Variants in C11orf68 observed in about 807,000 individuals in gnomAD.
C11orf68 encodes the protein chromosome 11 open reading frame 68.
A neutral mutation model predicts 4.7 loss-of-function variants in C11orf68; 3 were observed. The ratio of observed to expected loss-of-function variants is 0.64; its 90% CI spans 0.29 to 1.66. C11orf68 has a LOEUF of 1.66. Among genes scored for constraint, C11orf68 ranks in the 40% most tolerant of loss-of-function variants. The pLI is 0.10. For synonymous variants in C11orf68, 186 were observed against 167.8 expected, an observed-to-expected ratio of 1.11 and a Z score of -0.84; for missense variants, 422 against 408.0, an observed-to-expected ratio of 1.03 and a Z score of -0.30.
chr11:65,917,065 C>CT lies in C11orf68; in HGVS notation c.*393dup. On this transcript the variant is annotated 3_prime_UTR_variant, in exon 2 of 2. Coordinates refer to ENST00000438576, the MANE Select transcript of C11orf68 (RefSeq NM_001135635.2). Reference sequence around the variant, plus strand: ...TGGACCATGAAGGCTCCAAGAAGGGCTGGAAGCACTAAGTTTTCTCTCTCC... The same window carrying CT: ...TGGACCATGAAGGCTCCAAGAAGGGCTTGGAAGCACTAAGTTTTCTCTCTCC... The CT allele has an allele frequency of 5.1e-6, 1 of 196,990 alleles. No homozygotes were observed. Among genetic ancestry groups the CT allele is most frequent in the Non-Finnish European group, 1.1e-5 (1 of 94,432 alleles). The allele number at this position is 196,990 out of a possible 1,614,324, so 12.2% of individuals were successfully genotyped here.
intron 1 of C11orf68, 46 bp from the exon 2 acceptor site, chr11:65,918,264 G>A (rs560654723): frequency 2.0e-6 from 3 of 1,473,132 alleles, no homozygotes; most frequent in East Asian, 2.4e-5. Flanking sequence ...AATAACTACA[G>A]ATGCCAGGCA....
chr11:65,916,916 G>C lies in C11orf68; in HGVS notation c.*543C>G, dbSNP rs1854464218. ...AAGGGGGGACAGTGGTACAGGCTGT[G>C]TAAGTTGGCAGGGATGGGCAAGCCT... On this transcript the variant is annotated 3_prime_UTR_variant, in exon 2 of 2. Transcript: ENST00000438576. 1.3e-5 allele frequency: 2 copies of C among 156,370 alleles called. No homozygotes were observed. Among genetic ancestry groups the C allele is most frequent in the South Asian group, 3.8e-4 (2 of 5,198 alleles). The allele number at this position is 156,370 out of a possible 1,614,324, so 9.7% of individuals were successfully genotyped here.
In C11orf68 at chr11:65,917,345, G is replaced by C; in HGVS notation, c.*114C>G. 7.6e-7 allele frequency: 1 copy of C among 1,311,686 alleles called. No homozygotes were observed. The highest frequency in any genetic ancestry group is 1.1e-6 in the Non-Finnish European group (1 of 950,972). 81.3% of individuals were successfully genotyped at this position (1,311,686 alleles called of 1,614,324 possible). On this transcript the variant is annotated 3_prime_UTR_variant, in exon 2 of 2. Coordinates refer to ENST00000438576, the MANE Select transcript of C11orf68 (RefSeq NM_001135635.2). ...CTGAAGATGCAGGTAGTTCCCAAGT[G>C]ACCTAGGAGTCCCCAGAGCTGGGGG...
Position 65,917,108 on chromosome 11 carries a change from A to T in C11orf68, c.*351T>A. The T allele has an allele frequency of 4.1e-6, 1 of 243,858 alleles. No homozygotes were observed. Among genetic ancestry groups the T allele is most frequent in the Non-Finnish European group, 8.0e-6 (1 of 124,402 alleles). The allele number at this position is 243,858 out of a possible 1,614,324, so 15.1% of individuals were successfully genotyped here. On this transcript the variant is annotated 3_prime_UTR_variant, in exon 2 of 2. Transcript: ENST00000438576. ...CTCTCTCCTGAGGGGGAAGGAAAGAAGGGGAGATGCAGGAGGAAGGGGAGG... is the reference window on the plus strand; with the variant it reads ...CTCTCTCCTGAGGGGGAAGGAAAGATGGGGAGATGCAGGAGGAAGGGGAGG...
intron 1 of C11orf68, 56 bp from the exon 2 acceptor site, chr11:65,918,274 A>C: frequency 1.4e-6 from 2 of 1,451,460 alleles, no homozygotes; most frequent in Non-Finnish European, 1.8e-6. Flanking sequence ...GATGCCAGGC[A>C]CTGGATTAAA....
At position 65,918,091 on chromosome 11, in the gene C11orf68, C is replaced by A; in HGVS notation, c.250G>T (p.Ala84Ser). ...ADMDPWLVFD[A>S]RTTPATELDA... ...AGCTCAGTGGCAGGCGTTGTGCGGG[C>A]ATCAAACACTAGCCAGGGGTCCATG... Residue 84 changes from alanine to serine, a missense_variant, in exon 2 of 2, where the codon GCC becomes TCC. Physicochemically the swap from Ala to Ser is moderately conservative, Grantham distance 99 (BLOSUM62 1). Coordinates refer to ENST00000438576, the MANE Select transcript of C11orf68 (RefSeq NM_001135635.2). 1.2e-6 allele frequency: 2 copies of A among 1,610,790 alleles called. No individual in the cohort carries two copies. Among genetic ancestry groups the A allele is most frequent in the Non-Finnish European group, 8.5e-7 (1 of 1,178,490 alleles).
intron 1 of C11orf68, 45 bp downstream of exon 1, chr11:65,918,865 C>G: frequency 8.5e-7 from 1 of 1,179,704 alleles, no homozygotes; most frequent in Non-Finnish European, 1.1e-6. Flanking sequence ...CCGAGCTGTG[C>G]TCCCGCCCCG....
In C11orf68 at chr11:65,916,950, T is replaced by C. The variant is rs1854464703; in HGVS notation, c.*509A>G. 1.3e-5 allele frequency: 2 copies of C among 158,340 alleles called. No homozygotes were observed. The highest frequency in any genetic ancestry group is 4.8e-5 in the African/African-American group (2 of 41,466). 9.8% of individuals were successfully genotyped at this position (158,340 alleles called of 1,614,324 possible). A position where few individuals can be genotyped will look rare whatever the true frequency, so the allele number is the denominator to read the frequency against. On this transcript the variant is annotated 3_prime_UTR_variant, in exon 2 of 2. Transcript: ENST00000438576. ...CAGGGATGGGCAAGCCTCATGTCCATGGTCCTGGCATCCCCTCTGCCAGGG... is the reference window on the plus strand; with the variant it reads ...CAGGGATGGGCAAGCCTCATGTCCACGGTCCTGGCATCCCCTCTGCCAGGG...
In C11orf68 at chr11:65,917,663, AC is replaced by A; in HGVS notation, c.677del (p.Gly226ValfsTer67). 1 of 1,613,910 alleles carries A rather than the reference AC, an allele frequency of 6.2e-7. No individual in the cohort carries two copies. The highest frequency in any genetic ancestry group is 8.5e-7 in the Non-Finnish European group (1 of 1,179,994). On this transcript the variant is annotated frameshift_variant, in exon 2 of 2. Transcript: ENST00000438576. LOFTEE classifies it low-confidence loss of function (END_TRUNC). Reference protein sequence around the residue: ...VYTDDFTDRLGVLEADSAIRA... With the variant: ...VYTDDFTDRLXVLEADSAIRA... ...GGATGGCTGAATCCGCCTCCAGTAC[AC>A]CCAAGCGGTCCGTGAAGTCGTCCGT... is the stretch of plus-strand genomic sequence containing the variant.
At position 65,917,453 on chromosome 11, in the gene C11orf68, G is replaced by GC. The variant is rs1854472560; in HGVS notation, c.*5dup. ...GGGAGTGGGCAGTCTCCCCAATTTG[G>GC]CCCCCCTAGGTCAGTTCCACGTTGT... is the stretch of plus-strand genomic sequence containing the variant. On this transcript the variant is annotated 3_prime_UTR_variant, in exon 2 of 2. Transcript: ENST00000438576. 1 of 1,593,354 alleles carries GC rather than the reference G, an allele frequency of 6.3e-7. No individual in the cohort carries two copies. The highest frequency in any genetic ancestry group is 1.3e-5 in the African/African-American group (1 of 74,538).
At position 65,918,232 on chromosome 11, in the gene C11orf68, G is replaced by A. The variant is rs368300054; in HGVS notation, c.123-14C>T. ...GGTTCCATCCTGCTGTGAGGGAACC[G>A]AGTCAGGGCAGGGTCTGAGACAATA... On this transcript the variant is annotated splice_polypyrimidine_tract_variant and intron_variant, in intron 1 of 1. Coordinates refer to ENST00000438576, the MANE Select transcript of C11orf68 (RefSeq NM_001135635.2). The A allele has an allele frequency of 5.8e-5, 87 of 1,506,634 alleles. No individual in the cohort carries two copies. The highest frequency in any genetic ancestry group is 7.0e-5 in the Non-Finnish European group (79 of 1,131,562). The allele number at this position is 1,506,634 out of a possible 1,614,324, so 93.3% of individuals were successfully genotyped here. A position where few individuals can be genotyped will look rare whatever the true frequency, so the allele number is the denominator to read the frequency against.
In C11orf68 at chr11:65,918,183, C is replaced by CCCT. The variant is rs1854487488; in HGVS notation, c.155_157dup (p.Glu52dup). The CCCT allele has an allele frequency of 6.5e-7, 1 of 1,540,264 alleles. No homozygotes were observed. The highest frequency in any genetic ancestry group is 8.7e-7 in the Non-Finnish European group (1 of 1,145,858). The stretch of plus-strand genomic sequence containing the variant: ...GCCATCCTCACGGCCACCTGGAGAG[C>CCCT]CCTCCTCTTCCAGCTCCTCACCTGG... On this transcript the variant is annotated inframe_insertion, in exon 2 of 2. Coordinates refer to ENST00000438576, the MANE Select transcript of C11orf68 (RefSeq NM_001135635.2).
In C11orf68 at chr11:65,917,651, C is replaced by T. The variant is rs762790127; in HGVS notation, c.690G>A (p.Ala230=). ...TGCCCGCTGCACGGATGGCTGAATCCGCCTCCAGTACACCCAAGCGGTCCG... is the reference window on the plus strand; with the variant it reads ...TGCCCGCTGCACGGATGGCTGAATCTGCCTCCAGTACACCCAAGCGGTCCG... ...DFTDRLGVLE[A]DSAIRAAGIK... Residue 230 remains alanine (A), a synonymous_variant, in exon 2 of 2, where the codon GCG becomes GCA. Transcript: ENST00000438576. 2.5e-6 allele frequency: 4 copies of T among 1,613,900 alleles called. No individual in the cohort carries two copies. The highest frequency in any genetic ancestry group is 2.2e-5 in the South Asian group (2 of 91,092).
chr11:65,918,683 C>T (rs567645730), intron 1 of C11orf68, among the ~76,000 whole-genome samples: 1 of 152,352 alleles, frequency 6.6e-6, no homozygotes, highest in Admixed American at 6.5e-5. Flanking sequence ...CCAGGCCTCC[C>T]AGGCAGGCGT....
At chr11:65,918,880 T>G (rs1351839548) in intron 1 of C11orf68, 30 bp downstream of exon 1, 5 of 1,205,826 alleles carry the variant, frequency 4.1e-6, no homozygotes, top group African/African-American at 1.6e-5. Flanking sequence ...GCCCCGGCCC[T>G]GCCCTGCCCC....
At position 65,917,374 on chromosome 11, in the gene C11orf68, T is replaced by A; in HGVS notation, c.*85A>T. On this transcript the variant is annotated 3_prime_UTR_variant, in exon 2 of 2. Coordinates refer to ENST00000438576, the MANE Select transcript of C11orf68 (RefSeq NM_001135635.2). ...TAGGAGTCCCCAGAGCTGGGGGGTGTGGCCTTCATAGGACAAGGAGGAAGA... is the reference window on the plus strand; with the variant it reads ...TAGGAGTCCCCAGAGCTGGGGGGTGAGGCCTTCATAGGACAAGGAGGAAGA... The A allele has an allele frequency of 6.7e-7, 1 of 1,494,970 alleles. No homozygotes were observed. The highest frequency in any genetic ancestry group is 9.0e-7 in the Non-Finnish European group (1 of 1,109,122). 92.6% of individuals were successfully genotyped at this position (1,494,970 alleles called of 1,614,324 possible). A position where few individuals can be genotyped will look rare whatever the true frequency, so the allele number is the denominator to read the frequency against.
chr11:65,917,220 A>T lies in C11orf68; in HGVS notation c.*239T>A, dbSNP rs1404688080. The T allele has an allele frequency of 3.6e-6, 2 of 551,382 alleles. No homozygotes were observed. Among genetic ancestry groups the T allele is most frequent in the African/African-American group, 3.8e-5 (2 of 53,164 alleles). The allele number at this position is 551,382 out of a possible 1,614,324, so 34.2% of individuals were successfully genotyped here. On this transcript the variant is annotated 3_prime_UTR_variant, in exon 2 of 2. Coordinates refer to ENST00000438576, the MANE Select transcript of C11orf68 (RefSeq NM_001135635.2). ...GTGCTGGGCAGTGGAGAGGAGCAGC[A>T]TTACAAAGGGAGGCTGAAGGCTCAT...
intron 1 of C11orf68, 122 bp from the exon 2 acceptor site, chr11:65,918,340 A>G: frequency 8.6e-7 from 1 of 1,162,290 alleles, no homozygotes; most frequent in Non-Finnish European, 1.2e-6. Context: ...CATCTTTACA[A>G]TGGGATAACA....
At chr11:65,918,777 C>T (rs1294757928) in intron 1 of C11orf68, 133 bp downstream of exon 1, 3 of 938,124 alleles carry the variant, frequency 3.2e-6, no homozygotes, top group African/African-American at 3.5e-5. Flanking sequence ...TTCCCAGACT[C>T]GAACCAGGGC....
Sources: allele counts gnomAD v4.1 joint callset (sites outside exome capture counted in the v4.1 genomes callset), GRCh38; gene constraint gnomAD v4.1.1; transcripts MANE v1.5; gene names NCBI Gene and HGNC (gene_info 2026-07-23, HGNC 2026-07-21).